ELAVL2: variants seen among roughly 807,000 people sequenced by gnomAD.
ELAVL2 encodes ELAV-like protein 2.
Under a neutral mutation model 34.6 loss-of-function variants are expected in ELAVL2, and 4 were observed. The observed-to-expected ratio is 0.12, with a 90% CI of 0.06 to 0.26. ELAVL2 has a LOEUF of 0.26. Among genes scored for constraint, ELAVL2 ranks in the 10% least tolerant of loss-of-function variants. The pLI, the probability that ELAVL2 is intolerant of heterozygous loss-of-function variation, is 1.00. For missense variants in ELAVL2, 432 were observed against 442.8 expected (o/e 0.98, Z 0.22); for synonymous variants, 193 against 154.8 (o/e 1.25, Z -1.83).
chr9:23,849,603 TC>T, the ELAVL2 span: 1 of 152,198 alleles, frequency 6.6e-6, no homozygotes, highest in Non-Finnish European at 1.5e-5. Flanking sequence ...ATAACGTAGT[TC>T]CCTTCGCCTC....
intron 2 of ELAVL2, among the ~76,000 whole-genome samples, chr9:23,761,402 A>T (rs1452581081): frequency 1.3e-5 from 2 of 151,996 alleles, no homozygotes; most frequent in African/African-American, 4.8e-5. Flanking sequence ...TACTAAGGAG[A>T]TTTTCACCTA....
chr9:23,817,744 G>A (rs1049737335), intron 1 of ELAVL2, among the ~76,000 whole-genome samples: 1 of 152,116 alleles, frequency 6.6e-6, no homozygotes. Flanking sequence ...CATCACACAA[G>A]CTGAAAGCCA....
chr9:23,765,307 A>T (rs2055986485), intron 1 of ELAVL2, among the ~76,000 whole-genome samples: 1 of 152,214 alleles, frequency 6.6e-6, no homozygotes, highest in East Asian at 1.9e-4. Context: ...TTTTTAATTA[A>T]GAGCCTGATT....
rs552136274 is a variant in ELAVL2, at chr9:23,707,935, A to G, written c.334-2864T>C. On this transcript the variant is annotated intron_variant, in intron 3 of 6. Transcript: ENST00000397312. The stretch of plus-strand genomic sequence containing the variant: ...ACATTCACTGCTTTGTGCAATTCAG[A>G]TGAGTGTAGGTGGTGTGTCTTAAAA... 2.0e-5 allele frequency among the ~76,000 whole-genome samples: 3 copies of G among 152,310 alleles called. No homozygotes were observed. The South Asian group carries it at 6.2e-4, about 32-fold the overall frequency.
At chr9:23,752,470 TG>T (rs1243017965) in intron 2 of ELAVL2, among the ~76,000 whole-genome samples, 1 of 150,320 alleles carries the variant, frequency 6.7e-6, no homozygotes, top group Non-Finnish European at 1.5e-5. Flanking sequence ...AACTTTTTTT[TG>T]TTTTTTTTTT....
At chr9:23,811,562 G>A (rs1211932697) in intron 1 of ELAVL2, among the ~76,000 whole-genome samples, 1 of 152,166 alleles carries the variant, frequency 6.6e-6, no homozygotes, top group African/African-American at 2.4e-5. Flanking sequence ...TCTTGCTCCT[G>A]CAACTATATT....
At chr9:23,795,277 C>A (rs943130536) in intron 1 of ELAVL2, among the ~76,000 whole-genome samples, 4 of 152,184 alleles carry the variant, frequency 2.6e-5, no homozygotes, top group African/African-American at 9.6e-5. Context: ...GGCGTGGTGG[C>A]TCATGCCTGT....
chr9:23,801,850 T>A (rs1213030461), intron 1 of ELAVL2, among the ~76,000 whole-genome samples: 1 of 152,126 alleles, frequency 6.6e-6, no homozygotes, highest in Non-Finnish European at 1.5e-5. Context: ...GGGAAGGGAC[T>A]CCCACAGAGT....
At chr9:23,807,303 G>C (rs2062364946) in intron 1 of ELAVL2, among the ~76,000 whole-genome samples, 1 of 152,016 alleles carries the variant, frequency 6.6e-6, no homozygotes, top group Admixed American at 6.6e-5. Context: ...GAGGAAACTA[G>C]CCAGATGGAA....
intron 1 of ELAVL2, among the ~76,000 whole-genome samples, chr9:23,795,919 AC>A (rs1197810980): frequency 1.3e-5 from 2 of 152,100 alleles, no homozygotes; most frequent in Admixed American, 6.6e-5. Flanking sequence ...CAGCACCACC[AC>A]CTTCTTACAA....
At chr9:23,843,367 G>T in the ELAVL2 span, among the ~76,000 whole-genome samples, 1 of 152,040 alleles carries the variant, frequency 6.6e-6, no homozygotes, top group African/African-American at 2.4e-5. Context: ...ATATCACAGA[G>T]CAAAATGCAT....
chr9:23,760,342 T>TC (rs2054681258), intron 2 of ELAVL2, among the ~76,000 whole-genome samples: 1 of 152,146 alleles, frequency 6.6e-6, no homozygotes, highest in Admixed American at 6.6e-5. Context: ...CATGCATCTT[T>TC]CTTTTTAATA....
chr9:23,779,410 A>C, intron 1 of ELAVL2: 1 of 985,442 alleles, frequency 1.0e-6, no homozygotes, highest in South Asian at 4.7e-5. Context: ...TTTATAGCAC[A>C]GCAATGGAAG....
chr9:23,742,053 G>A (rs1209803928), intron 2 of ELAVL2, among the ~76,000 whole-genome samples: 1 of 152,104 alleles, frequency 6.6e-6, no homozygotes, highest in Non-Finnish European at 1.5e-5. Flanking sequence ...CTTTGTAAAA[G>A]TAACTAGAAG....
chr9:23,777,924 TTAAC>T (rs1382901768), intron 1 of ELAVL2, among the ~76,000 whole-genome samples: 3 of 152,008 alleles, frequency 2.0e-5, no homozygotes, highest in Non-Finnish European at 4.4e-5. Flanking sequence ...TGACTACACA[TTAAC>T]TAAGACCTAT....
rs369136259 is a variant in ELAVL2 at position 23,707,131 on chromosome 9, A to G, written c.334-2060T>C. Among the ~76,000 whole-genome samples, 43 of 152,360 alleles carry G rather than the reference A, an allele frequency of 2.8e-4. 1 individual carries two copies. Among genetic ancestry groups the G allele is most frequent in the Middle Eastern group, 6.8e-3 (2 of 294 alleles). ...TGTTTTCTCTATGCCTAAATACTTA[A>G]GAACAATGAAGACTGGGGAACTTAA... On this transcript the variant is annotated intron_variant, in intron 3 of 6. Coordinates refer to ENST00000397312, the MANE Select transcript of ELAVL2 (RefSeq NM_004432.5).
the ELAVL2 span, among the ~76,000 whole-genome samples, chr9:23,833,500 A>G: frequency 6.6e-6 from 1 of 151,894 alleles, no homozygotes; most frequent in Non-Finnish European, 1.5e-5. Context: ...TTGAAATGTG[A>G]AAAAAGATAT....
At chr9:23,783,615 C>T (rs1468568113) in intron 1 of ELAVL2, 1 of 551,604 alleles carries the variant, frequency 1.8e-6, no homozygotes, top group Middle Eastern at 8.9e-4. Flanking sequence ...GGACAGACAT[C>T]TGCATTCATT....
chr9:23,716,012 C>T (rs1210835060), intron 3 of ELAVL2, among the ~76,000 whole-genome samples: 1 of 151,946 alleles, frequency 6.6e-6, no homozygotes, highest in African/African-American at 2.4e-5. Context: ...AGACAAGAGA[C>T]GGGTAGGTGG....
Sources: gnomAD v4.1 joint callset for allele counts (sites outside exome capture counted in the v4.1 genomes callset) on GRCh38, gnomAD v4.1.1 for gene constraint, MANE v1.5 for transcripts, NCBI Gene and HGNC (gene_info 2026-07-23, HGNC 2026-07-21) for gene names.